The following C2orf80 variants were observed in gnomAD, a reference collection of about 807,000 sequenced individuals.
C2orf80 encodes chromosome 2 open reading frame 80, also known as uncharacterized protein C2orf80.
In C2orf80, 28 loss-of-function variants were observed where a neutral mutation model predicts 30.2. The ratio of observed to expected loss-of-function variants is 0.93; its 90% CI spans 0.69 to 1.27. The LOEUF (loss-of-function observed/expected upper bound fraction) is 1.27, where lower values mean the gene tolerates loss of function less well. Ranked by LOEUF, C2orf80 falls within the 50% of genes most tolerant of loss-of-function variation. C2orf80 has a pLI of 0.00. For missense variants in C2orf80, 220 were observed against 231.0 expected (o/e 0.95, Z 0.31); for synonymous variants, 80 against 76.4 (o/e 1.05, Z -0.24).
intron 8 of C2orf80, among the ~76,000 whole-genome samples, chr2:208,167,879 A>ATTT (rs370751271): frequency 0.82 from 119,500 of 146,334 alleles, 49,185 homozygotes; most frequent in Non-Finnish European, 0.87. Flanking sequence ...CCTGGCTGTG[A>ATTT]TTTTTTTTTT....
chr2:208,182,183 T>C (rs1447141320), intron 4 of C2orf80, among the ~76,000 whole-genome samples: 1 of 152,186 alleles, frequency 6.6e-6, no homozygotes, highest in Non-Finnish European at 1.5e-5. Flanking sequence ...TTCTTACCAA[T>C]TGAGTGAGTC....
At chr2:208,177,002 TACATATATACAG>T (rs1696367913) in intron 6 of C2orf80, among the ~76,000 whole-genome samples, 2 of 64,208 alleles carry the variant, frequency 3.1e-5, no homozygotes, top group African/African-American at 9.2e-5. Flanking sequence ...TATACATATA[TACATATATACAG>T]ATACATATAT....
At position 208,183,005 on chromosome 2, in the gene C2orf80, C is replaced by G; in HGVS notation, c.166G>C (p.Asp56His). Reference protein sequence around the residue: ...LAISVALQWLDPSEDLTWLEW... With the variant: ...LAISVALQWLHPSEDLTWLEW... ...AGCCAAGTTAAGTCTTCTGAGGGAT[C>G]CAGCCATTGCAAAGCAACACTGATG... is the stretch of plus-strand genomic sequence containing the variant. Residue 56 changes from aspartate (D) to histidine (H), a missense_variant, in exon 4 of 9, where the codon GAT (aspartate) becomes CAT (histidine). By Grantham distance (81) the Asp-to-His change is moderately conservative. Transcript: ENST00000341287. 6.8e-6 allele frequency: 11 copies of G among 1,614,072 alleles called. No homozygotes were observed. The highest frequency in any genetic ancestry group is 9.3e-6 in the Non-Finnish European group (11 of 1,179,964).
At chr2:208,179,676 G>A (rs1559342329) in intron 6 of C2orf80, among the ~76,000 whole-genome samples, 1 of 150,268 alleles carries the variant, frequency 6.7e-6, no homozygotes, top group Non-Finnish European at 1.5e-5. Context: ...AAAAATGGAA[G>A]TGGTCTTAAA....
Position 208,189,787 on chromosome 2 carries a change from C to T in C2orf80, c.-76+166G>A, listed in dbSNP as rs557659592. On this transcript the variant is annotated intron_variant, in intron 1 of 8. Coordinates refer to ENST00000341287, the MANE Select transcript of C2orf80 (RefSeq NM_001099334.3). Reference sequence around the variant, plus strand: ...CTTTAGCTGTTTCATAGAAACAATTCCCTAGAAGTCAGAGCCCCCAAATTC... The same window carrying T: ...CTTTAGCTGTTTCATAGAAACAATTTCCTAGAAGTCAGAGCCCCCAAATTC... 120 of 628,500 alleles carry T rather than the reference C, an allele frequency of 1.9e-4. 2 individuals are homozygous for T. The highest frequency in any genetic ancestry group is 1.9e-3 in the South Asian group (104 of 55,080). 38.9% of individuals were successfully genotyped at this position (628,500 alleles called of 1,614,324 possible).
intron 8 of C2orf80, among the ~76,000 whole-genome samples, chr2:208,169,029 T>G (rs1010778460): frequency 6.6e-6 from 1 of 151,810 alleles, no homozygotes; most frequent in South Asian, 2.1e-4. Flanking sequence ...TTTATATACA[T>G]GTGAGAAATA....
intron 6 of C2orf80, among the ~76,000 whole-genome samples, chr2:208,172,316 T>C (rs1362846764): frequency 1.3e-5 from 2 of 152,174 alleles, no homozygotes; most frequent in African/African-American, 4.8e-5. Flanking sequence ...TGCCCTGTCA[T>C]GCACAGACAC....
intron 6 of C2orf80, among the ~76,000 whole-genome samples, chr2:208,177,028 G>GT (rs1696372628): frequency 2.1e-5 from 1 of 46,626 alleles, no homozygotes; most frequent in African/African-American, 8.0e-5. Context: ...CATATATACA[G>GT]ATATAGTACA....
intron 6 of C2orf80, among the ~76,000 whole-genome samples, chr2:208,177,846 G>C (rs1472596362): frequency 6.7e-6 from 1 of 149,800 alleles, no homozygotes; most frequent in African/African-American, 2.5e-5. Context: ...TTTTTTTTGA[G>C]ACAGAGTTTT....
In C2orf80 at chr2:208,180,046, CCTTGTGGAT is replaced by C. The variant is rs547466079; in HGVS notation, c.366+690_366+698del. Among the ~76,000 whole-genome samples, 352 of 152,114 alleles carry C rather than the reference CCTTGTGGAT, an allele frequency of 2.3e-3. 2 individuals are homozygous for C. Among genetic ancestry groups the C allele is most frequent in the Non-Finnish European group, 3.7e-3 (249 of 67,978 alleles). ...CTAGGGAATTTGTCATGAGAATGAG[CCTTGTGGAT>C]CTTGTCCTAGTTCTAGAAGATATAG... is the stretch of plus-strand genomic sequence containing the variant. On this transcript the variant is annotated intron_variant, in intron 6 of 8. Coordinates refer to ENST00000341287, the MANE Select transcript of C2orf80 (RefSeq NM_001099334.3).
At chr2:208,183,487 A>G (rs1186492776) in intron 3 of C2orf80, among the ~76,000 whole-genome samples, 4 of 152,134 alleles carry the variant, frequency 2.6e-5, no homozygotes, top group African/African-American at 9.6e-5. Context: ...AGGGTGGGGG[A>G]ACAGGGCTGC....
chr2:208,176,986 T>TATAC (rs367562068), intron 6 of C2orf80, among the ~76,000 whole-genome samples: 90 of 73,766 alleles, frequency 1.2e-3, no homozygotes, highest in Non-Finnish European at 1.7e-3. Flanking sequence ...TACAGAAATG[T>TATAC]ATATGTATAC....
intron 1 of C2orf80, among the ~76,000 whole-genome samples, chr2:208,188,857 T>G (rs1378602945): frequency 6.6e-6 from 1 of 152,170 alleles, no homozygotes. Flanking sequence ...CACAGGAAAT[T>G]GATTAAGTAT....
chr2:208,180,390 C>T (rs1696515563), intron 6 of C2orf80, among the ~76,000 whole-genome samples: 1 of 151,166 alleles, frequency 6.6e-6, no homozygotes, highest in South Asian at 2.1e-4. Context: ...GGCAGAAGTG[C>T]AGTGAGCCGA....
At chr2:208,174,906 T>A (rs1696231892) in intron 6 of C2orf80, among the ~76,000 whole-genome samples, 1 of 152,224 alleles carries the variant, frequency 6.6e-6, no homozygotes, top group Non-Finnish European at 1.5e-5. Context: ...TCTTTCTCCA[T>A]CAAATGGAGC....
intron 2 of C2orf80, among the ~76,000 whole-genome samples, chr2:208,185,268 T>C (rs368518898): frequency 1.4e-3 from 209 of 152,234 alleles, no homozygotes; most frequent in Non-Finnish European, 2.3e-3. Flanking sequence ...TTAAACTCAA[T>C]TGGAACAGAA....
Position 208,176,938 on chromosome 2 carries a change from T to TATGTATACAG in C2orf80, c.366+3806_366+3807insCTGTATACAT, listed in dbSNP as rs1559340396. Reference sequence around the variant, plus strand: ...ACATATCTGTATACATATGTATACATATCTGTATACATATCTGTATACATA... The same window carrying TATGTATACAG: ...ACATATCTGTATACATATGTATACATATGTATACAGATCTGTATACATATCTGTATACATA... On this transcript the variant is annotated intron_variant, in intron 6 of 8. Coordinates refer to ENST00000341287, the MANE Select transcript of C2orf80 (RefSeq NM_001099334.3). 4.8e-4 allele frequency among the ~76,000 whole-genome samples: 25 copies of TATGTATACAG among 52,024 alleles called. 2 individuals carry two copies. The highest frequency in any genetic ancestry group is 7.8e-4 in the Non-Finnish European group (18 of 22,988). 34.1% of individuals were successfully genotyped at this position (52,024 alleles called of 152,430 possible).
chr2:208,176,999 A>ATACAGAAATGTATATG (rs1696367139), intron 6 of C2orf80, among the ~76,000 whole-genome samples: 3 of 44,676 alleles, frequency 6.7e-5, no homozygotes, highest in African/African-American at 2.3e-4. Context: ...ATGTATACAT[A>ATACAGAAATGTATATG]TATACATATA....
Position 208,184,973 on chromosome 2 carries a change from T to G in C2orf80, c.101A>C (p.Gln34Pro), listed in dbSNP as rs759096511. The G allele has an allele frequency of 6.2e-7, 1 of 1,613,924 alleles. No homozygotes were observed. The highest frequency in any genetic ancestry group is 8.5e-7 in the Non-Finnish European group (1 of 1,179,902). ...ENEFDPKGRR[Q>P]LTFLDDMAHY... ...TACCATATCATCTAGAAAGGTGAGT[T>G]GCCGTCTTCCTTTTGGGTCAAATTC... The change falls in exon 3 of 9, where the codon CAA becomes CCA. Residue 34 changes from glutamine to proline, a missense_variant. Physicochemically the swap from Gln to Pro is moderately conservative, Grantham distance 76. Coordinates refer to ENST00000341287, the MANE Select transcript of C2orf80 (RefSeq NM_001099334.3).
Sources: gnomAD v4.1 joint callset for allele counts (sites outside exome capture counted in the v4.1 genomes callset) on GRCh38, gnomAD v4.1.1 for gene constraint, MANE v1.5 for transcripts, NCBI Gene and HGNC (gene_info 2026-07-23, HGNC 2026-07-21) for gene names.